The following FAM222B variants were observed in gnomAD, a reference collection of about 807,000 sequenced individuals.
FAM222B encodes the protein protein FAM222B.
A neutral mutation model predicts 38.0 loss-of-function variants in FAM222B; 12 were observed. The observed-to-expected ratio is 0.32, with a 90% CI of 0.20 to 0.51. FAM222B has a LOEUF of 0.51. Among genes scored for constraint, FAM222B ranks in the 20% least tolerant of loss-of-function variants. The probability of loss-of-function intolerance (pLI) is 0.97; values close to 1 mark genes in which losing one functional copy is unlikely to be tolerated. For synonymous variants in FAM222B, 329 were observed against 317.2 expected, an observed-to-expected ratio of 1.04 and a Z score of -0.40; for missense variants, 716 against 754.2, an observed-to-expected ratio of 0.95 and a Z score of 0.59.
intron 1 of FAM222B, among the ~76,000 whole-genome samples, chr17:28,769,533 G>C (rs1465700021): frequency 6.6e-6 from 1 of 151,152 alleles, no homozygotes; most frequent in Non-Finnish European, 1.5e-5. Context: ...TCTTGACCTC[G>C]TGTTCCGCCC....
intron 1 of FAM222B, among the ~76,000 whole-genome samples, chr17:28,804,291 C>G (rs1337264354): frequency 1.3e-5 from 2 of 152,030 alleles, no homozygotes; most frequent in African/African-American, 2.4e-5. Flanking sequence ...CTAATCCCCT[C>G]TTATATATTT....
chr17:28,801,637 TC>T (rs2037235132), intron 1 of FAM222B, among the ~76,000 whole-genome samples: 1 of 151,900 alleles, frequency 6.6e-6, no homozygotes, highest in Non-Finnish European at 1.5e-5. Flanking sequence ...TTCTTCTTCT[TC>T]TAGTAAAACC....
intron 1 of FAM222B, among the ~76,000 whole-genome samples, chr17:28,782,695 C>A (rs549416183): frequency 2.6e-5 from 4 of 152,228 alleles, no homozygotes; most frequent in African/African-American, 9.6e-5. Context: ...TGCATTACAG[C>A]ATTTGTGGGG....
At chr17:28,834,796 C>T (rs1472976837) in intron 1 of FAM222B, 2 of 151,116 alleles carry the variant, frequency 1.3e-5, no homozygotes, top group Non-Finnish European at 2.9e-5. Flanking sequence ...CTTCTTCATT[C>T]CCACTGCTTC....
chr17:28,791,101 G>A (rs144423196), intron 1 of FAM222B, among the ~76,000 whole-genome samples: 5,087 of 151,102 alleles, frequency 0.034, 125 homozygotes, highest in East Asian at 0.1. Flanking sequence ...TAGTAGAGAC[G>A]GGGTTTCACT....
chr17:28,831,366 T>A (rs2152612007), intron 1 of FAM222B, among the ~76,000 whole-genome samples: 1 of 152,294 alleles, frequency 6.6e-6, no homozygotes, highest in East Asian at 1.9e-4. Flanking sequence ...CACACTGTCT[T>A]GATTACTGTA....
chr17:28,806,494 G>A (rs2037502555), intron 1 of FAM222B, among the ~76,000 whole-genome samples: 1 of 152,148 alleles, frequency 6.6e-6, no homozygotes, highest in South Asian at 2.1e-4. Context: ...GGGCACCACG[G>A]TGCACACCTG....
At chr17:28,765,025 C>T (rs948686350) in intron 2 of FAM222B, among the ~76,000 whole-genome samples, 2 of 152,172 alleles carry the variant, frequency 1.3e-5, no homozygotes, top group African/African-American at 4.8e-5. Context: ...AACATAACAC[C>T]TTCATCACCC....
intron 1 of FAM222B, among the ~76,000 whole-genome samples, chr17:28,776,474 T>G (rs1330616476): frequency 1.6e-5 from 2 of 128,242 alleles, no homozygotes; most frequent in South Asian, 2.7e-4. Flanking sequence ...TTTTTTTTTT[T>G]GAGACAGGGT....
In FAM222B at chr17:28,851,330, C is replaced by T. The variant is rs556949897; in HGVS notation, c.-41+3620G>A. 7.6e-4 allele frequency among the ~76,000 whole-genome samples: 114 copies of T among 149,628 alleles called. 1 individual carries two copies. Among genetic ancestry groups the T allele is most frequent in the African/African-American group, 2.6e-3 (105 of 40,676 alleles). On this transcript the variant is annotated intron_variant, in intron 1 of 2. Transcript: ENST00000577513. ...GGTGGATCACCTGAGGTCAGGAGTT[C>T]GAGACCAGCCTGGCCAACATGGTGA... is the stretch of plus-strand genomic sequence containing the variant.
intron 2 of FAM222B, among the ~76,000 whole-genome samples, chr17:28,763,024 T>G (rs891266449): frequency 6.6e-6 from 1 of 152,180 alleles, no homozygotes; most frequent in Non-Finnish European, 1.5e-5. Context: ...AATGTATTTC[T>G]GTAACTACAC....
In FAM222B at chr17:28,839,529, T is replaced by C. The variant is rs551550590; in HGVS notation, c.-41+3153A>G. Among the ~76,000 whole-genome samples, 68 of 152,272 alleles carry C rather than the reference T, an allele frequency of 4.5e-4. 2 individuals are homozygous for C. Among genetic ancestry groups the C allele is most frequent in the Admixed American group, 1.3e-3 (20 of 15,270 alleles). ...ACATGGGTGGCATTTATGCGCTTAT[T>C]TGAACTGATGGAAATTTCCAGTAGG... On this transcript the variant is annotated intron_variant, in intron 1 of 2. Transcript: ENST00000581407.
rs144753946 is a variant in FAM222B, at chr17:28,852,748, C to T, written c.-41+2202G>A. On this transcript the variant is annotated intron_variant, in intron 1 of 2. Coordinates refer to the FAM222B transcript ENST00000577513. The stretch of plus-strand genomic sequence containing the variant: ...AAGGGTTCAGCATCCAGGAATTCAA[C>T]CAACTGAAGAAAAAAATATCTGGGG... Among the ~76,000 whole-genome samples, 582 of 152,206 alleles carry T rather than the reference C, an allele frequency of 3.8e-3. 3 individuals are homozygous for T. Among genetic ancestry groups the T allele is most frequent in the African/African-American group, 0.014 (568 of 41,544 alleles).
At chr17:28,775,572 C>T (rs1332749761) in intron 1 of FAM222B, among the ~76,000 whole-genome samples, 1 of 151,764 alleles carries the variant, frequency 6.6e-6, no homozygotes, top group Non-Finnish European at 1.5e-5. Context: ...GAAGTTTACA[C>T]ACTTGAATTA....
intron 2 of FAM222B, among the ~76,000 whole-genome samples, chr17:28,766,348 G>A (rs974799289): frequency 5.9e-5 from 9 of 152,036 alleles, no homozygotes; most frequent in African/African-American, 2.2e-4. Flanking sequence ...CAGCTACTCG[G>A]GAGGCTGAAG....
chr17:28,849,207 G>A (rs2039165378), intron 1 of FAM222B: 1 of 150,150 alleles, frequency 6.7e-6, no homozygotes, highest in African/African-American at 2.5e-5. Context: ...CTTGCAGTGA[G>A]CCGAGATTGC....
At position 28,758,948 on chromosome 17, in the gene FAM222B, C is replaced by T. The variant is rs749362624; in HGVS notation, c.1011G>A (p.Leu337=). 2 of 1,610,004 alleles carry T rather than the reference C, an allele frequency of 1.2e-6. No individual in the cohort carries two copies. The highest frequency in any genetic ancestry group is 2.7e-5 in the African/African-American group (2 of 74,890). ...MEHTHAATAA[L]PAAGPVNLPT... ...GCAGGTTGACAGGACCTGCAGCAGGCAACGCGGCGGTGGCCGCGTGGGTGT... is the reference window on the plus strand; with the variant it reads ...GCAGGTTGACAGGACCTGCAGCAGGTAACGCGGCGGTGGCCGCGTGGGTGT... Residue 337 remains leucine, a synonymous_variant, in exon 3 of 3, where the codon TTG becomes TTA. Transcript: ENST00000581407.
In FAM222B at chr17:28,778,670, AT is replaced by A. The variant is rs377460299; in HGVS notation, c.-40-11964del. Reference sequence around the variant, plus strand: ...AGGCGCATGTCATCATGCCTAGCTAATTTTTTTTTTGTGTGTGTGTGTGTGT... The same window carrying A: ...AGGCGCATGTCATCATGCCTAGCTAATTTTTTTTTGTGTGTGTGTGTGTGT... On this transcript the variant is annotated intron_variant, in intron 1 of 2. Coordinates refer to ENST00000581407, the MANE Select transcript of FAM222B (RefSeq NM_001077498.3). Among the ~76,000 whole-genome samples the A allele has an allele frequency of 3.0e-3, 263 of 87,134 alleles. 3 individuals are homozygous for A. Among genetic ancestry groups the A allele is most frequent in the East Asian group, 0.022 (75 of 3,368 alleles). The allele number at this position is 87,134 out of a possible 152,430, so 57.2% of individuals were successfully genotyped here. A position where few individuals can be genotyped will look rare whatever the true frequency, so the allele number is the denominator to read the frequency against.
At chr17:28,781,342 C>T (rs963596310) in intron 1 of FAM222B, among the ~76,000 whole-genome samples, 1 of 151,974 alleles carries the variant, frequency 6.6e-6, no homozygotes. Context: ...CCCACATCAA[C>T]TCACACCTGT....
Sources: gnomAD v4.1 joint callset for allele counts (sites outside exome capture counted in the v4.1 genomes callset) on GRCh38, gnomAD v4.1.1 for gene constraint, MANE v1.5 for transcripts, NCBI Gene and HGNC (gene_info 2026-07-23, HGNC 2026-07-21) for gene names.